The following HDLBP variants were observed in gnomAD, a reference collection of about 807,000 sequenced individuals.
The protein encoded by HDLBP is vigilin.
HDLBP carries 30 observed loss-of-function variants against 137.3 expected under a neutral mutation model. The observed-to-expected ratio is 0.22, with a 90% confidence interval of 0.16 to 0.30. The LOEUF is 0.30. Among genes scored for constraint, HDLBP ranks in the 10% least tolerant of loss-of-function variants. The pLI is 1.00. For missense variants in HDLBP, 1,119 were observed against 1,667.3 expected (o/e 0.67, Z 5.73); for synonymous variants, 606 against 596.0 (o/e 1.02, Z -0.24).
chr2:241,238,558 G>C lies in HDLBP; in HGVS notation c.2749+91C>G. On this transcript the variant is annotated intron_variant, in intron 20 of 27. Coordinates refer to ENST00000310931, the MANE Select transcript of HDLBP (RefSeq NM_005336.6). This position sits in a 1 kb window ranked among gnomAD's most constrained non-coding sequence, Gnocchi z 4.9. ...ATAGATGGTTTTCCAGCAGAGACAG[G>C]AAAGAGCCTCACCAGTATGTGCGAC... 2.9e-6 allele frequency: 3 copies of C among 1,047,704 alleles called. No homozygotes were observed. Among genetic ancestry groups the C allele is most frequent in the Admixed American group, 2.7e-5 (1 of 37,354 alleles). The allele number at this position is 1,047,704 out of a possible 1,614,324, so 64.9% of individuals were successfully genotyped here. A position where few individuals can be genotyped will look rare whatever the true frequency, so the allele number is the denominator to read the frequency against.
chr2:241,262,631 G>A, intron 5 of HDLBP, 80 bp downstream of exon 5: 2 of 1,072,782 alleles, frequency 1.9e-6, no homozygotes, highest in South Asian at 2.6e-5. Context: ...AGGGTCCAGT[G>A]ACGTTCTAGC....
intron 1 of HDLBP, among the ~76,000 whole-genome samples, chr2:241,275,334 G>A (rs6726915): frequency 0.25 from 38,082 of 151,838 alleles, 5,306 homozygotes; most frequent in Middle Eastern, 0.35. Flanking sequence ...TCGGGAGACA[G>A]AACTAAGATT....
intron 1 of HDLBP, among the ~76,000 whole-genome samples, chr2:241,289,931 A>G (rs2074954854): frequency 6.6e-6 from 1 of 152,188 alleles, no homozygotes; most frequent in Admixed American, 6.5e-5. Flanking sequence ...GAAGGGCAAC[A>G]GCAGAGATAG....
chr2:241,293,132 G>T (rs1356256024), intron 1 of HDLBP, among the ~76,000 whole-genome samples: 1 of 152,092 alleles, frequency 6.6e-6, no homozygotes, highest in Non-Finnish European at 1.5e-5. Flanking sequence ...TAATGAAGAT[G>T]AATGAACTAA....
chr2:241,291,779 G>A (rs1473955370), intron 1 of HDLBP, among the ~76,000 whole-genome samples: 1 of 152,164 alleles, frequency 6.6e-6, no homozygotes, highest in Non-Finnish European at 1.5e-5. Flanking sequence ...AGATCATTTT[G>A]GATTATATGG....
At position 241,256,989 on chromosome 2, in the gene HDLBP, GGTTA is replaced by G. The variant is rs547751775; in HGVS notation, c.451-187_451-184del. On this transcript the variant is annotated intron_variant, in intron 5 of 27. Coordinates refer to ENST00000310931, the MANE Select transcript of HDLBP (RefSeq NM_005336.6). ...TTGGGGAAGGTTGCCCTGACTCCCA[GGTTA>G]GGGTAAGTTCGAGTGTATCTGCACC... 3.3e-5 allele frequency among the ~76,000 whole-genome samples: 5 copies of G among 152,314 alleles called. No individual in the cohort carries two copies. In the South Asian group the frequency reaches 1.0e-3, roughly 32 times the overall value.
intron 1 of HDLBP, among the ~76,000 whole-genome samples, chr2:241,294,068 A>C (rs973650935): frequency 2.6e-5 from 4 of 152,200 alleles, no homozygotes; most frequent in African/African-American, 9.6e-5. Context: ...ACAATGATAC[A>C]ATATTATCTT....
chr2:241,233,550 G>A lies in HDLBP; in HGVS notation c.3288+270C>T, dbSNP rs1559475218. On this transcript the variant is annotated intron_variant, in intron 24 of 27. Transcript: ENST00000310931. This position sits in a 1 kb window ranked among gnomAD's most constrained non-coding sequence, Gnocchi z 4.3. ...ACACCTGGAGGCGCCACTGATCAAG[G>A]ACCCAGCTGGAGCTCCTGCTCATTT... Among the ~76,000 whole-genome samples the A allele has an allele frequency of 6.6e-6, 1 of 152,108 alleles. No individual in the cohort carries two copies. The highest frequency in any genetic ancestry group is 2.4e-5 in the African/African-American group (1 of 41,394).
chr2:241,303,381 G>T (rs2075457285), intron 1 of HDLBP, among the ~76,000 whole-genome samples: 1 of 152,190 alleles, frequency 6.6e-6, no homozygotes, highest in Admixed American at 6.5e-5. Flanking sequence ...CATACAACAG[G>T]ACGCTGGAAG....
chr2:241,254,965 G>A (rs1410057782), intron 9 of HDLBP, 86 bp downstream of exon 9: 5 of 1,073,814 alleles, frequency 4.7e-6, no homozygotes, highest in Non-Finnish European at 7.2e-6. Flanking sequence ...GGCATCCACA[G>A]TACAAAGGTC....
chr2:241,242,816 C>T, intron 16 of HDLBP, 138 bp from the exon 17 acceptor site: 1 of 740,664 alleles, frequency 1.4e-6, no homozygotes, highest in South Asian at 1.7e-5. Context: ...AAGCACTGAC[C>T]AAACTTCTCC....
intron 13 of HDLBP, 33 bp from the exon 14 acceptor site, chr2:241,248,149 T>C (rs371513114): frequency 1.6e-5 from 25 of 1,576,610 alleles, no homozygotes; most frequent in Non-Finnish European, 2.1e-5. Flanking sequence ...TAAGTTCAAG[T>C]ATGAGGAAGG....
rs192480014 is a variant in HDLBP at position 241,249,182 on chromosome 2, C to T, written c.1512+659G>A. ...AGAGGTCTGCCAATTTGAGATTCCT[C>T]GTGTGGGTACTGGGGTGAGGTGAAC... On this transcript the variant is annotated intron_variant, in intron 12 of 27. Transcript: ENST00000310931. 1.4e-4 allele frequency among the ~76,000 whole-genome samples: 22 copies of T among 152,264 alleles called. No homozygotes were observed. In the East Asian group the frequency reaches 3.7e-3, roughly 25 times the overall value.
chr2:241,265,318 T>C (rs1012897194), intron 3 of HDLBP, among the ~76,000 whole-genome samples: 3 of 152,212 alleles, frequency 2.0e-5, no homozygotes, highest in Admixed American at 1.3e-4. Flanking sequence ...CTCGGGAGGC[T>C]GAGGCAGAAC....
At position 241,247,552 on chromosome 2, in the gene HDLBP, A is replaced by C. The variant is rs562724671; in HGVS notation, c.1732-410T>G. 501 of 279,604 alleles carry C rather than the reference A, an allele frequency of 1.8e-3. 1 individual carries two copies. The highest frequency in any genetic ancestry group is 2.9e-3 in the Non-Finnish European group (426 of 146,744). 17.3% of individuals were successfully genotyped at this position (279,604 alleles called of 1,614,324 possible). On this transcript the variant is annotated intron_variant, in intron 14 of 27. Coordinates refer to ENST00000310931, the MANE Select transcript of HDLBP (RefSeq NM_005336.6). Reference sequence around the variant, plus strand: ...GCAGCCATCAGCTAAGGTGAAGCCCACGGAAATACATGGCTGCCTGTGGCC... The same window carrying C: ...GCAGCCATCAGCTAAGGTGAAGCCCCCGGAAATACATGGCTGCCTGTGGCC...
intron 14 of HDLBP, 80 bp from the exon 15 acceptor site, chr2:241,247,222 G>C: frequency 1.1e-6 from 1 of 873,222 alleles, no homozygotes; most frequent in South Asian, 1.4e-5. Flanking sequence ...CCTAAGGGTA[G>C]CATGAACACG....
At chr2:241,247,323 C>T (rs946374770) in intron 14 of HDLBP, 181 bp from the exon 15 acceptor site, 2 of 605,366 alleles carry the variant, frequency 3.3e-6, no homozygotes, top group Admixed American at 5.7e-5. Flanking sequence ...ACTTACGTTG[C>T]AAATTACAGT....
At chr2:241,241,441 C>A (rs1574884569) in intron 17 of HDLBP, among the ~76,000 whole-genome samples, 1 of 151,910 alleles carries the variant, frequency 6.6e-6, no homozygotes, top group East Asian at 1.9e-4. Context: ...GTGTCGGGCG[C>A]CTGTGGTCCC....
chr2:241,281,036 G>A (rs2074577330), intron 1 of HDLBP, among the ~76,000 whole-genome samples: 1 of 152,202 alleles, frequency 6.6e-6, no homozygotes, highest in Non-Finnish European at 1.5e-5. Flanking sequence ...AAGAACATGT[G>A]TCAGATAAAT....
Sources: allele counts gnomAD v4.1 joint callset (sites outside exome capture counted in the v4.1 genomes callset), GRCh38; gene constraint gnomAD v4.1.1; non-coding constraint Gnocchi (gnomAD v3.1); transcripts MANE v1.5; gene names NCBI Gene and HGNC (gene_info 2026-07-23, HGNC 2026-07-21).